The following RPS6KC1 variants were observed in gnomAD, a reference collection of about 807,000 sequenced individuals.
RPS6KC1 encodes the protein inactive ribosomal protein S6 kinase delta-1.
RPS6KC1 carries 54 observed loss-of-function variants against 103.8 expected under a neutral mutation model. The ratio of observed to expected loss-of-function variants is 0.52; its 90% CI spans 0.42 to 0.65. RPS6KC1 has a LOEUF of 0.65. Ranked by LOEUF, RPS6KC1 falls within the 30% of genes least tolerant of loss-of-function variation. The pLI is 0.00. For missense variants in RPS6KC1, 1,151 were observed against 1,253.8 expected (o/e 0.92, Z 1.24); for synonymous variants, 439 against 438.7 (o/e 1.00, Z -0.01).
chr1:213,319,742 T>G, the RPS6KC1 span, among the ~76,000 whole-genome samples: 1 of 152,240 alleles, frequency 6.6e-6, no homozygotes, highest in Non-Finnish European at 1.5e-5. Flanking sequence ...ACATTGGAGC[T>G]ATGCGTCTCC....
rs76317417 is a variant in RPS6KC1 at position 213,077,915 on chromosome 1, A to G, written c.262+99A>G. 2.3e-3 allele frequency: 1,273 copies of G among 556,166 alleles called. 16 individuals are homozygous for G. In the East Asian group the frequency reaches 0.033, roughly 14 times the overall value. 34.5% of individuals were successfully genotyped at this position (556,166 alleles called of 1,614,324 possible). On this transcript the variant is annotated intron_variant, in intron 3 of 14. Coordinates refer to ENST00000366960, the MANE Select transcript of RPS6KC1 (RefSeq NM_012424.6). ...ACACTATGAAGTCAGAAGCCCTTTT[A>G]CTTATTGAGATAATTCATATTGTTC... is the stretch of plus-strand genomic sequence containing the variant.
chr1:213,762,610 A>T, the RPS6KC1 span, among the ~76,000 whole-genome samples: 1 of 152,246 alleles, frequency 6.6e-6, no homozygotes, highest in African/African-American at 2.4e-5. Context: ...TGTGGTGCAG[A>T]TGGTCACTCT....
the RPS6KC1 span, among the ~76,000 whole-genome samples, chr1:213,414,020 C>A: frequency 0.015 from 2,360 of 152,318 alleles, 54 homozygotes; most frequent in African/African-American, 0.053. Context: ...ACCCAGGGGT[C>A]TTCACTTTCA....
the RPS6KC1 span, among the ~76,000 whole-genome samples, chr1:213,671,909 C>T: frequency 6.6e-6 from 1 of 151,924 alleles, no homozygotes; most frequent in African/African-American, 2.4e-5. Flanking sequence ...TCACCTGTGC[C>T]CCATAAATAT....
intron 8 of RPS6KC1, among the ~76,000 whole-genome samples, chr1:213,192,392 C>T (rs1432248248): frequency 6.6e-6 from 1 of 152,014 alleles, no homozygotes; most frequent in African/African-American, 2.4e-5. Context: ...GTAATACTAG[C>T]CTCATAGACT....
At chr1:213,183,020 G>A (rs1297483352) in intron 8 of RPS6KC1, among the ~76,000 whole-genome samples, 1 of 151,392 alleles carries the variant, frequency 6.6e-6, no homozygotes, top group Non-Finnish European at 1.5e-5. Context: ...GAAAACAGGA[G>A]TGGCTATATT....
the RPS6KC1 span, among the ~76,000 whole-genome samples, chr1:213,789,658 C>A: frequency 3.8e-3 from 584 of 152,286 alleles, 21 homozygotes; most frequent in Admixed American, 0.033. Flanking sequence ...TCCCTTAAAA[C>A]GATAAGGTAC....
At chr1:213,126,253 C>G (rs1009295444) in intron 5 of RPS6KC1, among the ~76,000 whole-genome samples, 6 of 151,950 alleles carry the variant, frequency 3.9e-5, no homozygotes, top group Admixed American at 3.9e-4. Context: ...AGATAAATAA[C>G]TGTAGATTGC....
chr1:213,661,166 A>G, the RPS6KC1 span, among the ~76,000 whole-genome samples: 56,348 of 152,060 alleles, frequency 0.37, 11,807 homozygotes, highest in Non-Finnish European at 0.48. Context: ...CAAATGGGGA[A>G]TCCTTTGCCA....
the RPS6KC1 span, among the ~76,000 whole-genome samples, chr1:213,532,223 T>G: frequency 3.9e-5 from 6 of 152,004 alleles, no homozygotes; most frequent in African/African-American, 1.4e-4. Flanking sequence ...GCAGAAGGGG[T>G]GGGGAGCGGC....
At chr1:213,594,261 A>G in the RPS6KC1 span, among the ~76,000 whole-genome samples, 1 of 152,236 alleles carries the variant, frequency 6.6e-6, no homozygotes, top group South Asian at 2.1e-4. Flanking sequence ...AAATTAGCAT[A>G]CAAACAGAGA....
chr1:213,681,241 C>T, the RPS6KC1 span, among the ~76,000 whole-genome samples: 216 of 152,326 alleles, frequency 1.4e-3, no homozygotes, highest in Middle Eastern at 0.01. Context: ...AGTTATCACT[C>T]GCACATGTCG....
intron 8 of RPS6KC1, among the ~76,000 whole-genome samples, chr1:213,190,167 C>T (rs1010943658): frequency 6.6e-6 from 1 of 151,990 alleles, no homozygotes; most frequent in Admixed American, 6.6e-5. Context: ...TGGGTATATA[C>T]CTAAGAGTGG....
At chr1:213,096,719 A>G (rs1046982312) in intron 3 of RPS6KC1, among the ~76,000 whole-genome samples, 3 of 152,044 alleles carry the variant, frequency 2.0e-5, no homozygotes, top group African/African-American at 7.2e-5. Flanking sequence ...TGTCAATGGC[A>G]TCTAGGGTGG....
the RPS6KC1 span, among the ~76,000 whole-genome samples, chr1:213,776,007 T>C: frequency 6.6e-6 from 1 of 152,218 alleles, no homozygotes; most frequent in Non-Finnish European, 1.5e-5. Flanking sequence ...AGTATTATCA[T>C]GAAATTGCAG....
the RPS6KC1 span, among the ~76,000 whole-genome samples, chr1:213,643,109 T>G: frequency 6.6e-6 from 1 of 152,066 alleles, no homozygotes; most frequent in South Asian, 2.1e-4. Context: ...GGTCAAGGAC[T>G]TCTTTGACAA....
the RPS6KC1 span, among the ~76,000 whole-genome samples, chr1:213,524,396 G>A: frequency 6.6e-6 from 1 of 151,648 alleles, no homozygotes; most frequent in Non-Finnish European, 1.5e-5. Flanking sequence ...CCCCGAGAAG[G>A]AGCAGCCAGC....
the RPS6KC1 span, among the ~76,000 whole-genome samples, chr1:213,490,270 C>G: frequency 6.6e-6 from 1 of 152,186 alleles, no homozygotes; most frequent in East Asian, 1.9e-4. Context: ...ACCTTCACCC[C>G]TCTTTCCCCT....
the RPS6KC1 span, among the ~76,000 whole-genome samples, chr1:213,802,881 G>A: frequency 3.6e-3 from 546 of 152,270 alleles, 7 homozygotes; most frequent in African/African-American, 0.013. Context: ...AACCGGGAAT[G>A]TTTAGCCTGG....
Sources: allele counts gnomAD v4.1 joint callset (sites outside exome capture counted in the v4.1 genomes callset), GRCh38; gene constraint gnomAD v4.1.1; transcripts MANE v1.5; gene names NCBI Gene and HGNC (gene_info 2026-07-23, HGNC 2026-07-21).